ERCC4: variants seen among roughly 807,000 people sequenced by gnomAD.
ERCC4 encodes DNA repair endonuclease XPF.
A neutral mutation model predicts 76.9 loss-of-function variants in ERCC4; 65 were observed. The observed-to-expected ratio is 0.84, with a 90% CI of 0.69 to 1.04. The LOEUF is 1.04. Among genes scored for constraint, ERCC4 ranks in the 50% least tolerant of loss-of-function variants. The probability of loss-of-function intolerance (pLI) is 0.00; values close to 1 mark genes in which losing one functional copy is unlikely to be tolerated. For missense variants in ERCC4, 1,214 were observed against 1,128.2 expected (o/e 1.08, Z -1.09); for synonymous variants, 463 against 410.1 (o/e 1.13, Z -1.56).
chr16:13,928,384 C>T, intron 4 of ERCC4, 149 bp downstream of exon 4: 1 of 635,812 alleles, frequency 1.6e-6, no homozygotes, highest in East Asian at 2.8e-5. Flanking sequence ...CTTTGGTTTA[C>T]TGGAAAGTAA....
intron 7 of ERCC4, chr16:13,934,541 A>G: frequency 2.1e-6 from 1 of 482,582 alleles, no homozygotes; most frequent in Middle Eastern, 5.8e-4. Context: ...AGGTTGAATC[A>G]TTGTATATTC....
Position 13,932,284 on chromosome 16 carries a change from A to G in ERCC4, c.1101A>G (p.Glu367=), listed in dbSNP as rs2032187837. ...ISEKMEIKEG[E]ETKKELVLES... ...AAAAAATGGAAATTAAAGAAGGGGAAGGTATCTTGTGGGGTTAAGTCTTTA... is the reference window on the plus strand; with the variant it reads ...AAAAAATGGAAATTAAAGAAGGGGAGGGTATCTTGTGGGGTTAAGTCTTTA... The change falls in exon 6 of 11, where the codon GAA becomes GAG. Residue 367 remains glutamate, a splice_region_variant and synonymous_variant. Coordinates refer to ENST00000311895, the MANE Select transcript of ERCC4 (RefSeq NM_005236.3). The G allele has an allele frequency of 6.2e-7, 1 of 1,609,686 alleles. No homozygotes were observed. Among genetic ancestry groups the G allele is most frequent in the African/African-American group, 1.3e-5 (1 of 74,788 alleles).
At position 13,951,172 on chromosome 16, in the gene ERCC4, A is replaced by T. The variant is rs2032623031; in HGVS notation, c.*2825A>T. 5.4e-6 allele frequency: 1 copy of T among 184,338 alleles called. No individual in the cohort carries two copies. The highest frequency in any genetic ancestry group is 1.2e-5 in the Non-Finnish European group (1 of 86,768). 11.4% of individuals were successfully genotyped at this position (184,338 alleles called of 1,614,324 possible). A position where few individuals can be genotyped will look rare whatever the true frequency, so the allele number is the denominator to read the frequency against. The stretch of plus-strand genomic sequence containing the variant: ...TTAGATTTTTATAAAAATTTTTTTT[A>T]CAATCTAATAATCTTTGGTAAAGGA... On this transcript the variant is annotated 3_prime_UTR_variant, in exon 11 of 11. Coordinates refer to ENST00000311895, the MANE Select transcript of ERCC4 (RefSeq NM_005236.3).
rs770540285 is a variant in ERCC4, at chr16:13,937,859, G to GTAA, written c.1904+4_1904+6dup. 1.9e-6 allele frequency: 3 copies of GTAA among 1,589,788 alleles called. No homozygotes were observed. The Admixed American group carries it at 5.0e-5, about 27-fold the overall frequency. ...AGGAAGCTTTTGAAAAACTCATAAG[G>GTAA]TAATACATAGAAAATCAGTATGAAA... is the stretch of plus-strand genomic sequence containing the variant. On this transcript the variant is annotated splice_donor_variant, in intron 9 of 10. Coordinates refer to ENST00000311895, the MANE Select transcript of ERCC4 (RefSeq NM_005236.3). LOFTEE classifies it high-confidence loss of function.
chr16:13,946,744 TTTTG>T (rs531878168), intron 10 of ERCC4, among the ~76,000 whole-genome samples: 2,746 of 151,178 alleles, frequency 0.018, 63 homozygotes, highest in African/African-American at 0.058. Flanking sequence ...ACATCTGTTT[TTTTG>T]TTTGTTTGTT....
At chr16:13,937,961 G>A (rs1035109661) in intron 9 of ERCC4, 103 bp downstream of exon 9, 104 of 769,672 alleles carry the variant, frequency 1.4e-4, no homozygotes, top group South Asian at 1.0e-3. Context: ...CAAGGAAGAC[G>A]TTGGAGAGGA....
In ERCC4 at chr16:13,922,226, T is replaced by C. The variant is rs1038044252; in HGVS notation, c.388+15T>C. On this transcript the variant is annotated intron_variant, in intron 2 of 10. Coordinates refer to ENST00000311895, the MANE Select transcript of ERCC4 (RefSeq NM_005236.3). ...TTTAATTACTGGTAAGAATTTGAAA[T>C]CTTATTATTAGTATGTAAATTTGTA... 2 of 1,527,064 alleles carry C rather than the reference T, an allele frequency of 1.3e-6. No homozygotes were observed. Among genetic ancestry groups the C allele is most frequent in the African/African-American group, 1.4e-5 (1 of 72,890 alleles). The allele number at this position is 1,527,064 out of a possible 1,614,324, so 94.6% of individuals were successfully genotyped here. A position where few individuals can be genotyped will look rare whatever the true frequency, so the allele number is the denominator to read the frequency against.
At chr16:13,927,156 G>A (rs2032087599) in intron 3 of ERCC4, among the ~76,000 whole-genome samples, 1 of 152,150 alleles carries the variant, frequency 6.6e-6, no homozygotes, top group Non-Finnish European at 1.5e-5. Flanking sequence ...AAGCACAAAG[G>A]TTTTGAAGAA....
At chr16:13,929,929 A>T (rs2032141873) in intron 4 of ERCC4, among the ~76,000 whole-genome samples, 2 of 152,204 alleles carry the variant, frequency 1.3e-5, no homozygotes, top group Non-Finnish European at 2.9e-5. Context: ...GTGCCACTGC[A>T]CTCGAGCCTG....
intron 8 of ERCC4, among the ~76,000 whole-genome samples, chr16:13,936,473 AATAATT>A (rs1161511635): frequency 5.3e-5 from 8 of 152,248 alleles, no homozygotes; most frequent in African/African-American, 1.9e-4. Flanking sequence ...AGGCTGGTAA[AATAATT>A]ATAGGCTGGT....
chr16:13,929,544 T>C (rs2141947403), intron 4 of ERCC4, among the ~76,000 whole-genome samples: 1 of 152,370 alleles, frequency 6.6e-6, no homozygotes, highest in South Asian at 2.1e-4. Context: ...AATCAGATAA[T>C]TCTGTACCTA....
At chr16:13,934,335 CA>C in intron 7 of ERCC4, 33 bp downstream of exon 7, 1 of 1,346,086 alleles carries the variant, frequency 7.4e-7, no homozygotes, top group Non-Finnish European at 1.1e-6. Context: ...CATTTGCTTC[CA>C]AAATCTATCA....
chr16:13,932,819 C>T, intron 6 of ERCC4: 1 of 181,654 alleles, frequency 5.5e-6, no homozygotes, highest in East Asian at 1.7e-4. Flanking sequence ...CTGAGGCAGG[C>T]CGATCACCTG....
intron 2 of ERCC4, among the ~76,000 whole-genome samples, chr16:13,922,858 C>G (rs2032004869): frequency 6.6e-6 from 1 of 152,178 alleles, no homozygotes; most frequent in Non-Finnish European, 1.5e-5. Context: ...TATCTGTGAC[C>G]TGAATAAGTA....
At chr16:13,933,861 CT>C (rs1415137253) in intron 6 of ERCC4, 1 of 202,784 alleles carries the variant, frequency 4.9e-6, no homozygotes, top group Admixed American at 5.5e-5. Context: ...ATAGTAAATA[CT>C]GTCATTGTGT....
At chr16:13,933,181 C>A in intron 6 of ERCC4, 1 of 222,374 alleles carries the variant, frequency 4.5e-6, no homozygotes, top group Non-Finnish European at 9.4e-6. Context: ...GATCACACCA[C>A]TATACTCCAG....
Position 13,920,212 on chromosome 16 carries a change from T to C in ERCC4, c.47T>C (p.Leu16Pro), listed in dbSNP as rs1301287370. The C allele has an allele frequency of 6.2e-7, 1 of 1,607,720 alleles. No homozygotes were observed. ...PARRIAMAPL[L>P]EYERQLVLEL... ...CGACGGATTGCCATGGCGCCGCTGC[T>C]GGAGTACGAGCGACAGCTGGTGCTG... is the stretch of plus-strand genomic sequence containing the variant. Residue 16 changes from leucine to proline, a missense_variant, in exon 1 of 11, where the codon CTG becomes CCG. Physicochemically the swap from Leu to Pro is moderately conservative, Grantham distance 98 (BLOSUM62 -3). Transcript: ENST00000311895.
At position 13,933,886 on chromosome 16, in the gene ERCC4, T is replaced by A. The variant is rs3136141; in HGVS notation, c.1103-306T>A. The stretch of plus-strand genomic sequence containing the variant: ...CTGTCATTGTGTACCGATGCCTTTG[T>A]TTTGTATAGCTGCTTATATATAGTG... On this transcript the variant is annotated intron_variant, in intron 6 of 10. Coordinates refer to ENST00000311895, the MANE Select transcript of ERCC4 (RefSeq NM_005236.3). 1,466 of 266,658 alleles carry A rather than the reference T, an allele frequency of 5.5e-3. 5 individuals carry two copies. The highest frequency in any genetic ancestry group is 8.5e-3 in the Non-Finnish European group (1,195 of 139,806). The allele number at this position is 266,658 out of a possible 1,614,324, so 16.5% of individuals were successfully genotyped here.
At position 13,952,301 on chromosome 16, in the gene ERCC4, GT is replaced by G; in HGVS notation, c.*3959del. ...ATCCTGAAAATGTTTCATTTTTTTT[GT>G]TTTTGTTATGCAGAATAAACAAGGC... On this transcript the variant is annotated 3_prime_UTR_variant, in exon 11 of 11. Transcript: ENST00000311895. 1.1e-5 allele frequency: 2 copies of G among 182,522 alleles called. No individual in the cohort carries two copies. The highest frequency in any genetic ancestry group is 2.0e-3 in the Middle Eastern group (1 of 496). 11.3% of individuals were successfully genotyped at this position (182,522 alleles called of 1,614,324 possible). A position where few individuals can be genotyped will look rare whatever the true frequency, so the allele number is the denominator to read the frequency against.
Sources: allele counts gnomAD v4.1 joint callset (sites outside exome capture counted in the v4.1 genomes callset), GRCh38; gene constraint gnomAD v4.1.1; transcripts MANE v1.5; gene names NCBI Gene and HGNC (gene_info 2026-07-23, HGNC 2026-07-21).